MARCHF1: variants seen among roughly 807,000 people sequenced by gnomAD.
MARCHF1 encodes E3 ubiquitin-protein ligase MARCHF1.
MARCHF1 carries 40 observed loss-of-function variants against 54.2 expected under a neutral mutation model. The ratio of observed to expected loss-of-function variants is 0.74; its 90% confidence interval spans 0.57 to 0.96. MARCHF1 has a LOEUF of 0.96. Ranked by LOEUF, MARCHF1 falls within the 40% of genes least tolerant of loss-of-function variation. The probability of loss-of-function intolerance (pLI) is 0.00; values close to 1 mark genes in which losing one functional copy is unlikely to be tolerated. For missense variants in MARCHF1, 586 were observed against 656.5 expected, an observed-to-expected ratio of 0.89 and a Z score of 1.17; for synonymous variants, 236 against 236.3, an observed-to-expected ratio of 1.00 and a Z score of 0.01.
Position 164,227,722 on chromosome 4 carries a change from T to A in MARCHF1, c.-322-116060A>T, listed in dbSNP as rs79634580. Among the ~76,000 whole-genome samples the A allele has an allele frequency of 5.3e-5, 8 of 151,484 alleles. No individual in the cohort carries two copies. The East Asian group carries it at 1.4e-3, about 26-fold the overall frequency. On this transcript the variant is annotated intron_variant, in intron 1 of 9. Transcript: ENST00000514618. ...TTGTACCTACTCAATGTTGTTAATT[T>A]AAAAAAAAACTATATGTTTACACTC...
intron 1 of MARCHF1, among the ~76,000 whole-genome samples, chr4:164,292,267 G>A (rs1004322891): frequency 1.6e-4 from 25 of 151,864 alleles, no homozygotes; most frequent in African/African-American, 4.1e-4. Context: ...TTGCTAAAAC[G>A]TTTCTCATAA....
intron 1 of MARCHF1, among the ~76,000 whole-genome samples, chr4:164,246,406 A>C (rs78023781): frequency 0.28 from 11,756 of 41,902 alleles, 3,401 homozygotes; most frequent in East Asian, 0.5. Context: ...ATATGTAGAA[A>C]GCTGAAACTG....
chr4:164,243,928 C>A (rs1485959749), intron 1 of MARCHF1, among the ~76,000 whole-genome samples: 1 of 152,022 alleles, frequency 6.6e-6, no homozygotes, highest in African/African-American at 2.4e-5. Context: ...TATATATGCA[C>A]CCAATACAGG....
intron 5 of MARCHF1, among the ~76,000 whole-genome samples, chr4:163,674,554 G>C (rs1490695987): frequency 6.6e-6 from 1 of 152,094 alleles, no homozygotes; most frequent in Non-Finnish European, 1.5e-5. Context: ...GCAAACAGAG[G>C]TTATCCATAG....
At chr4:163,557,264 A>G (rs1296426610) in intron 8 of MARCHF1, among the ~76,000 whole-genome samples, 2 of 152,196 alleles carry the variant, frequency 1.3e-5, no homozygotes, top group Non-Finnish European at 2.9e-5. Context: ...GTGATGGGAG[A>G]AAGTGTAAAA....
intron 4 of MARCHF1, among the ~76,000 whole-genome samples, chr4:163,799,201 T>C (rs902959522): frequency 1.3e-5 from 2 of 152,130 alleles, no homozygotes; most frequent in Admixed American, 1.3e-4. Flanking sequence ...CAGCTCCCTA[T>C]CTGGATAGTG....
At chr4:163,571,831 A>G (rs1739850315) in intron 8 of MARCHF1, among the ~76,000 whole-genome samples, 1 of 152,106 alleles carries the variant, frequency 6.6e-6, no homozygotes, top group African/African-American at 2.4e-5. Flanking sequence ...TCTTAGGGTC[A>G]AAAGTCTTTC....
chr4:163,787,811 G>T (rs1430108733), intron 4 of MARCHF1, among the ~76,000 whole-genome samples: 4 of 151,894 alleles, frequency 2.6e-5, no homozygotes, highest in African/African-American at 9.7e-5. Flanking sequence ...ATTGCCAAGA[G>T]ATGTAAGCTA....
intron 3 of MARCHF1, among the ~76,000 whole-genome samples, chr4:163,986,447 G>A (rs2110882248): frequency 6.6e-6 from 1 of 151,248 alleles, no homozygotes; most frequent in East Asian, 2.0e-4. Context: ...TGTATTTTTA[G>A]TAGAGACAGG....
At chr4:164,165,581 C>G (rs937778151) in intron 1 of MARCHF1, among the ~76,000 whole-genome samples, 7 of 152,064 alleles carry the variant, frequency 4.6e-5, no homozygotes, top group Non-Finnish European at 8.8e-5. Context: ...GCCATTTGAG[C>G]TGACTAAGAT....
chr4:164,269,865 A>T (rs945648825), intron 1 of MARCHF1, among the ~76,000 whole-genome samples: 4 of 152,116 alleles, frequency 2.6e-5, no homozygotes, highest in African/African-American at 9.7e-5. Context: ...AGCATGTTAC[A>T]TAGCGTTATT....
chr4:164,122,608 C>T (rs1422200113), intron 1 of MARCHF1, among the ~76,000 whole-genome samples: 1 of 151,964 alleles, frequency 6.6e-6, no homozygotes, highest in East Asian at 1.9e-4. Context: ...ACTACAAAAC[C>T]TGTCGCATCC....
chr4:163,878,942 C>A lies in MARCHF1; in HGVS notation c.-38-24773G>T, dbSNP rs559760362. ...ACTGTGAGTAGTTTCATTTGTGAAG[C>A]ACTGAGTAATACAGAGACATCTAAA... is the stretch of plus-strand genomic sequence containing the variant. On this transcript the variant is annotated intron_variant, in intron 3 of 9. Transcript: ENST00000514618. Among the ~76,000 whole-genome samples the A allele has an allele frequency of 5.9e-5, 9 of 152,268 alleles. No homozygotes were observed. The South Asian group carries it at 1.5e-3, about 25-fold the overall frequency.
At chr4:163,966,385 G>A (rs941387068) in intron 3 of MARCHF1, among the ~76,000 whole-genome samples, 1 of 151,844 alleles carries the variant, frequency 6.6e-6, no homozygotes, top group African/African-American at 2.4e-5. Flanking sequence ...AATGAAAACT[G>A]AGCATCCAAT....
At chr4:164,283,201 G>A (rs572466599) in intron 1 of MARCHF1, among the ~76,000 whole-genome samples, 16 of 151,084 alleles carry the variant, frequency 1.1e-4, no homozygotes, top group African/African-American at 3.4e-4. Flanking sequence ...GCTTAACCTC[G>A]CTTAGTGATT....
chr4:163,613,861 C>T (rs924110966), intron 5 of MARCHF1, among the ~76,000 whole-genome samples: 5 of 152,102 alleles, frequency 3.3e-5, no homozygotes, highest in Admixed American at 3.3e-4. Flanking sequence ...TTTGAAAATA[C>T]TTTGTAATAT....
chr4:163,624,305 C>A (rs1741793485), intron 5 of MARCHF1, among the ~76,000 whole-genome samples: 1 of 152,150 alleles, frequency 6.6e-6, no homozygotes, highest in African/African-American at 2.4e-5. Flanking sequence ...CAAGAGAGAT[C>A]AGGCGTTGGA....
rs189468067 is a variant in MARCHF1 at position 163,720,211 on chromosome 4, G to A, written c.112-19348C>T. Among the ~76,000 whole-genome samples the A allele has an allele frequency of 4.6e-5, 7 of 152,150 alleles. 1 individual carries two copies. The highest frequency in any genetic ancestry group is 8.8e-5 in the Non-Finnish European group (6 of 68,034). On this transcript the variant is annotated intron_variant, in intron 4 of 9. Coordinates refer to ENST00000514618, the MANE Select transcript of MARCHF1 (RefSeq NM_001394959.1). ...TCTTGAATTAATTTTTGTGTAAGAC[G>A]TAAGGAAGGGATCCAGTTTCAGCTT...
chr4:164,281,189 C>A (rs772502451), intron 1 of MARCHF1, among the ~76,000 whole-genome samples: 7 of 152,106 alleles, frequency 4.6e-5, no homozygotes, highest in Non-Finnish European at 8.8e-5. Context: ...TGTGATCATT[C>A]AAGCAAAATT....
Sources: allele counts gnomAD v4.1 joint callset (sites outside exome capture counted in the v4.1 genomes callset), GRCh38; gene constraint gnomAD v4.1.1; transcripts MANE v1.5; gene names NCBI Gene and HGNC (gene_info 2026-07-23, HGNC 2026-07-21).